Variants in REEP1 observed in about 807,000 individuals in gnomAD.
The protein encoded by REEP1 is receptor accessory protein 1, also known as receptor expression-enhancing protein 1.
A neutral mutation model predicts 40.3 loss-of-function variants in REEP1; 22 were observed. The observed-to-expected ratio is 0.55, with a 90% CI of 0.39 to 0.78. The LOEUF is 0.78. Among genes scored for constraint, REEP1 ranks in the 30% least tolerant of loss-of-function variants. The pLI is 0.00. For synonymous variants in REEP1, 116 were observed against 139.2 expected (o/e 0.83, Z 1.17); for missense variants, 280 against 361.1 (o/e 0.78, Z 1.82).
At chr2:86,262,488 G>T (rs1023382094) in intron 3 of REEP1, among the ~76,000 whole-genome samples, 2 of 152,242 alleles carry the variant, frequency 1.3e-5, no homozygotes, top group Non-Finnish European at 2.9e-5. Context: ...GGCTACAATG[G>T]CTGGGACATC....
At chr2:86,303,181 T>G (rs1333032760) in intron 1 of REEP1, among the ~76,000 whole-genome samples, 3 of 150,536 alleles carry the variant, frequency 2.0e-5, no homozygotes. Context: ...TAGCTAGGAC[T>G]ACAGGAGTAC....
chr2:86,236,578 A>AG (rs1675334560), intron 5 of REEP1, among the ~76,000 whole-genome samples: 1 of 152,084 alleles, frequency 6.6e-6, no homozygotes, highest in Admixed American at 6.5e-5. Context: ...TTGGAGGATG[A>AG]GGGGGGAGGA....
chr2:86,338,075 A>AT, upstream of REEP1: 1 of 1,537,238 alleles, frequency 6.5e-7, no homozygotes, highest in Non-Finnish European at 8.7e-7. Context: ...CACTTTCTGC[A>AT]TAAGAAACAA....
intron 1 of REEP1, among the ~76,000 whole-genome samples, chr2:86,317,160 C>T (rs965742543): frequency 2.0e-5 from 3 of 152,034 alleles, no homozygotes; most frequent in South Asian, 2.1e-4. Flanking sequence ...TCCACACAGC[C>T]GACCCGGACT....
intron 8 of REEP1, among the ~76,000 whole-genome samples, chr2:86,219,456 T>TC (rs1203670672): frequency 6.9e-6 from 1 of 145,784 alleles, no homozygotes; most frequent in Admixed American, 6.7e-5. Context: ...CTTTTCTTTT[T>TC]TTTTTTTTTT....
At chr2:86,250,283 G>A (rs779230227) in intron 5 of REEP1, among the ~76,000 whole-genome samples, 9 of 152,204 alleles carry the variant, frequency 5.9e-5, no homozygotes, top group Non-Finnish European at 4.4e-5. Context: ...TATACTCCAG[G>A]AATGAATGGA....
chr2:86,223,915 A>T (rs1177909451), intron 7 of REEP1: 1 of 143,370 alleles, frequency 7.0e-6, no homozygotes, highest in Non-Finnish European at 1.6e-5. Context: ...AAAAAAAAAG[A>T]GAGAGAGAGA....
intron 5 of REEP1, chr2:86,239,989 T>G (rs1034904185): frequency 1.3e-5 from 2 of 152,528 alleles, no homozygotes; most frequent in South Asian, 4.1e-4. Context: ...CTGGATCAGT[T>G]TGGAGTTAGT....
chr2:86,226,009 C>T (rs1409848294), intron 7 of REEP1, among the ~76,000 whole-genome samples: 5 of 152,022 alleles, frequency 3.3e-5, no homozygotes, highest in Non-Finnish European at 7.4e-5. Flanking sequence ...AGGGCAGCAA[C>T]AGGAGTCTCT....
intron 8 of REEP1, among the ~76,000 whole-genome samples, chr2:86,219,526 A>ACCT: frequency 6.7e-6 from 1 of 149,642 alleles, no homozygotes; most frequent in East Asian, 2.0e-4. Context: ...TCTCACTGCA[A>ACCT]CCTCCTCCTC....
chr2:86,286,466 G>A (rs1384346414), intron 1 of REEP1, among the ~76,000 whole-genome samples: 3 of 152,282 alleles, frequency 2.0e-5, no homozygotes, highest in Non-Finnish European at 4.4e-5. Context: ...AGACTAGTGT[G>A]CTGTTTCCTG....
intron 2 of REEP1, among the ~76,000 whole-genome samples, chr2:86,276,475 A>G (rs1018151084): frequency 2.0e-5 from 3 of 152,178 alleles, no homozygotes; most frequent in African/African-American, 7.2e-5. Flanking sequence ...CCTCCTTTAT[A>G]GCAAAAGAAA....
At chr2:86,292,623 A>G (rs746865724) in intron 1 of REEP1, among the ~76,000 whole-genome samples, 14 of 152,054 alleles carry the variant, frequency 9.2e-5, no homozygotes, top group Non-Finnish European at 1.9e-4. Flanking sequence ...TTCTGTGCTG[A>G]AGGGTTATGG....
At chr2:86,328,268 G>C (rs1680605134) in intron 1 of REEP1, among the ~76,000 whole-genome samples, 1 of 152,198 alleles carries the variant, frequency 6.6e-6, no homozygotes, top group South Asian at 2.1e-4. Flanking sequence ...CCTCTCCTCT[G>C]AGCAGCGTGA....
intron 1 of REEP1, 96 bp from the exon 2 acceptor site, chr2:86,282,338 A>G: frequency 1.1e-6 from 1 of 943,268 alleles, no homozygotes; most frequent in Non-Finnish European, 1.7e-6. Context: ...TCTCTAAGCT[A>G]CAGAAAGTGC....
At chr2:86,262,010 G>A (rs1411080779) in intron 3 of REEP1, among the ~76,000 whole-genome samples, 2 of 152,152 alleles carry the variant, frequency 1.3e-5, no homozygotes, top group South Asian at 2.1e-4. Context: ...CTTTGTTCAC[G>A]TGTTTGTCTG....
intron 5 of REEP1, among the ~76,000 whole-genome samples, chr2:86,236,598 C>G (rs1159766263): frequency 6.6e-6 from 1 of 152,020 alleles, no homozygotes; most frequent in Non-Finnish European, 1.5e-5. Flanking sequence ...ATTTCTGGAG[C>G]CCAGGAGTTC....
At position 86,282,341 on chromosome 2, in the gene REEP1, G is replaced by A. The variant is rs552651719; in HGVS notation, c.33-99C>T. ...GCCAAGAGCAACTCTCTAAGCTACA[G>A]AAAGTGCTGCTGTGGGGCTTGATTT... is the stretch of plus-strand genomic sequence containing the variant. On this transcript the variant is annotated intron_variant, in intron 1 of 8. Transcript: ENST00000538924. 1.7e-5 allele frequency: 16 copies of A among 924,358 alleles called. No homozygotes were observed. In the African/African-American group the frequency reaches 2.4e-4, roughly 14 times the overall value. The allele number at this position is 924,358 out of a possible 1,614,324, so 57.3% of individuals were successfully genotyped here.
intron 1 of REEP1, among the ~76,000 whole-genome samples, chr2:86,334,416 A>C (rs969132003): frequency 5.3e-5 from 8 of 152,154 alleles, no homozygotes; most frequent in African/African-American, 1.9e-4. Context: ...AAACCATAGG[A>C]TGCTCCCATA....
Sources: allele counts gnomAD v4.1 joint callset (sites outside exome capture counted in the v4.1 genomes callset), GRCh38; gene constraint gnomAD v4.1.1; transcripts MANE v1.5; gene names NCBI Gene and HGNC (gene_info 2026-07-23, HGNC 2026-07-21).